Variants in FAM107B observed in about 807,000 individuals in gnomAD.
FAM107B encodes the protein protein FAM107B.
FAM107B carries 21 observed loss-of-function variants against 31.5 expected under a neutral mutation model. That is an observed-to-expected ratio of 0.67 (90% confidence interval 0.47 to 0.96). FAM107B has a LOEUF of 0.96. FAM107B is among the 40% of genes least tolerant of loss of function. The pLI is 0.00. For missense variants in FAM107B, 452 were observed against 377.1 expected (o/e 1.20, Z -1.64); for synonymous variants, 157 against 141.5 (o/e 1.11, Z -0.78).
chr10:14,556,556 G>A (rs1347044142), intron 2 of FAM107B: 4 of 255,556 alleles, frequency 1.6e-5, no homozygotes, highest in South Asian at 1.5e-4. Flanking sequence ...GACACCTACT[G>A]TGTGCTCCGT....
chr10:14,584,631 C>T (rs1443889510), intron 2 of FAM107B, among the ~76,000 whole-genome samples: 1 of 152,188 alleles, frequency 6.6e-6, no homozygotes, highest in Non-Finnish European at 1.5e-5. Flanking sequence ...TTATAAACAG[C>T]TCCAAGATAC....
chr10:14,674,435 C>A (rs1164814681), intron 1 of FAM107B, among the ~76,000 whole-genome samples: 1 of 152,148 alleles, frequency 6.6e-6, no homozygotes, highest in Non-Finnish European at 1.5e-5. Context: ...TGGAGTCCTT[C>A]AAATTGCTTA....
chr10:14,718,612 G>C (rs1855837806), intron 1 of FAM107B, among the ~76,000 whole-genome samples: 1 of 152,142 alleles, frequency 6.6e-6, no homozygotes, highest in South Asian at 2.1e-4. Context: ...GCATGAGTTA[G>C]GTGAGCAGTA....
At chr10:14,734,900 T>C (rs776237341) in intron 1 of FAM107B, among the ~76,000 whole-genome samples, 4 of 152,182 alleles carry the variant, frequency 2.6e-5, no homozygotes, top group Non-Finnish European at 5.9e-5. Flanking sequence ...ATAAATCCCC[T>C]GAAGAAAACA....
intron 2 of FAM107B, among the ~76,000 whole-genome samples, chr10:14,579,238 G>A (rs368141244): frequency 3.3e-5 from 5 of 152,184 alleles, no homozygotes; most frequent in Admixed American, 2.0e-4. Context: ...GGGTCGGCCA[G>A]CTAAGCATCA....
At chr10:14,573,556 C>A (rs1851360424) in intron 2 of FAM107B, among the ~76,000 whole-genome samples, 2 of 143,128 alleles carry the variant, frequency 1.4e-5, no homozygotes, top group African/African-American at 5.1e-5. Flanking sequence ...CATGGTGAAA[C>A]CCCATCTCTA....
intron 2 of FAM107B, among the ~76,000 whole-genome samples, chr10:14,597,811 G>A (rs1245722080): frequency 6.6e-6 from 1 of 152,170 alleles, no homozygotes; most frequent in African/African-American, 2.4e-5. Flanking sequence ...TGAGCCAGGC[G>A]TGGTGGCACA....
At chr10:14,547,044 C>T (rs537159594) in intron 2 of FAM107B, among the ~76,000 whole-genome samples, 51 of 152,296 alleles carry the variant, frequency 3.3e-4, no homozygotes, top group Middle Eastern at 6.8e-3. Context: ...CACATCCAAC[C>T]CAGATCTGGT....
chr10:14,581,299 G>C (rs1230897768), intron 2 of FAM107B, among the ~76,000 whole-genome samples: 1 of 152,188 alleles, frequency 6.6e-6, no homozygotes, highest in Non-Finnish European at 1.5e-5. Flanking sequence ...AGAGGCCCTG[G>C]GCAAGCACCT....
intron 2 of FAM107B, among the ~76,000 whole-genome samples, chr10:14,660,649 T>C (rs539074262): frequency 2.6e-5 from 4 of 152,234 alleles, no homozygotes; most frequent in Admixed American, 6.5e-5. Flanking sequence ...AAATATTCAA[T>C]TGAATCTTAT....
intron 1 of FAM107B, among the ~76,000 whole-genome samples, chr10:14,742,005 C>T (rs762519225): frequency 6.6e-5 from 10 of 152,118 alleles, no homozygotes; most frequent in Non-Finnish European, 1.0e-4. Flanking sequence ...TGAGCCACCG[C>T]GTGCGGCCAA....
Position 14,723,987 on chromosome 10 carries a change from G to T in FAM107B, c.411+50266C>A. On this transcript the variant is annotated intron_variant, in intron 1 of 4. Transcript: ENST00000181796. Reference sequence around the variant, plus strand: ...AGTCAAGGTTAGTGTCACCTAAGTGGGTTCCTGCTCCAAGGAACTTAAGGA... The same window carrying T: ...AGTCAAGGTTAGTGTCACCTAAGTGTGTTCCTGCTCCAAGGAACTTAAGGA... 4 of 760,336 alleles carry T rather than the reference G, an allele frequency of 5.3e-6. No homozygotes were observed. The South Asian group carries it at 5.4e-5, about 10-fold the overall frequency. The allele number at this position is 760,336 out of a possible 1,614,324, so 47.1% of individuals were successfully genotyped here.
intron 1 of FAM107B, among the ~76,000 whole-genome samples, chr10:14,732,878 A>T (rs1856206761): frequency 6.8e-6 from 1 of 146,838 alleles, no homozygotes; most frequent in African/African-American, 2.5e-5. Flanking sequence ...ATATTATATA[A>T]TACAATTATA....
intron 2 of FAM107B, among the ~76,000 whole-genome samples, chr10:14,649,325 C>G (rs553096520): frequency 1.3e-5 from 2 of 152,328 alleles, no homozygotes; most frequent in East Asian, 3.9e-4. Flanking sequence ...CACTGCAAAG[C>G]TGTCTCTTGT....
chr10:14,756,802 T>G (rs1588758828), intron 1 of FAM107B, among the ~76,000 whole-genome samples: 1 of 152,276 alleles, frequency 6.6e-6, no homozygotes, highest in South Asian at 2.1e-4. Flanking sequence ...AAATGTGGTA[T>G]ATATGCACCA....
chr10:14,533,367 G>A (rs1029826299), intron 2 of FAM107B, among the ~76,000 whole-genome samples: 3 of 152,248 alleles, frequency 2.0e-5, no homozygotes, highest in Non-Finnish European at 2.9e-5. Context: ...GGAGGTTTCC[G>A]GCCTGAGCAA....
At chr10:14,633,551 A>G (rs1389373580) in intron 2 of FAM107B, among the ~76,000 whole-genome samples, 1 of 152,244 alleles carries the variant, frequency 6.6e-6, no homozygotes, top group Admixed American at 6.5e-5. Flanking sequence ...TTAATAAAAT[A>G]TATTAATTTA....
chr10:14,521,457 G>C lies in FAM107B; in HGVS notation c.805-151C>G, dbSNP rs967016354. On this transcript the variant is annotated intron_variant, in intron 4 of 4. Coordinates refer to ENST00000181796, the MANE Select transcript of FAM107B (RefSeq NM_031453.4). ...ACTTTTAAAGAAATGGATGGATAGA[G>C]TCTGGGTAATTGTGCACAGAAACAG... 7 of 679,858 alleles carry C rather than the reference G, an allele frequency of 1.0e-5. No homozygotes were observed. The East Asian group carries it at 1.9e-4, about 18-fold the overall frequency. 42.1% of individuals were successfully genotyped at this position (679,858 alleles called of 1,614,324 possible).
At chr10:14,772,415 CTG>C (rs899000285) in intron 1 of FAM107B, among the ~76,000 whole-genome samples, 24 of 151,604 alleles carry the variant, frequency 1.6e-4, no homozygotes, top group East Asian at 5.8e-4. Flanking sequence ...CTGAGATACT[CTG>C]TGTAAAGCAC....
Sources: gnomAD v4.1 joint callset for allele counts (sites outside exome capture counted in the v4.1 genomes callset) on GRCh38, gnomAD v4.1.1 for gene constraint, MANE v1.5 for transcripts, NCBI Gene and HGNC (gene_info 2026-07-23, HGNC 2026-07-21) for gene names.